Variants in DGKB observed in about 807,000 individuals in gnomAD.
DGKB encodes the protein diacylglycerol kinase beta.
A neutral mutation model predicts 114.3 loss-of-function variants in DGKB; 67 were observed. The ratio of observed to expected loss-of-function variants is 0.59; its 90% CI spans 0.48 to 0.72. The LOEUF is 0.72. DGKB is among the 30% of genes least tolerant of loss of function. The probability of loss-of-function intolerance (pLI) is 0.00; values close to 1 mark genes in which losing one functional copy is unlikely to be tolerated. For synonymous variants in DGKB, 398 were observed against 323.1 expected, an observed-to-expected ratio of 1.23 and a Z score of -2.49; for missense variants, 907 against 975.2, an observed-to-expected ratio of 0.93 and a Z score of 0.93.
chr7:14,577,579 T>A (rs1436831108), intron 19 of DGKB, among the ~76,000 whole-genome samples: 1 of 152,008 alleles, frequency 6.6e-6, no homozygotes, highest in African/African-American at 2.4e-5. Flanking sequence ...ATTGCGCCAC[T>A]GCACTCCAGC....
chr7:14,346,317 T>C (rs770066436), intron 21 of DGKB, among the ~76,000 whole-genome samples: 1 of 151,948 alleles, frequency 6.6e-6, no homozygotes, highest in Admixed American at 6.6e-5. Context: ...TTAAACCTAA[T>C]AGAGTGCTTA....
At chr7:14,153,224 A>G (rs962898729) in intron 25 of DGKB, among the ~76,000 whole-genome samples, 2 of 151,946 alleles carry the variant, frequency 1.3e-5, no homozygotes, top group African/African-American at 4.8e-5. Context: ...TTCCAGCATC[A>G]AATATTTCCA....
chr7:14,718,913 C>T (rs1480484882), intron 5 of DGKB: 3 of 416,736 alleles, frequency 7.2e-6, no homozygotes, highest in Non-Finnish European at 1.3e-5. Flanking sequence ...CCCTATCAGC[C>T]ACGGATGGTA....
intron 23 of DGKB, among the ~76,000 whole-genome samples, chr7:14,183,273 T>C (rs1261593981): frequency 6.6e-6 from 1 of 152,232 alleles, no homozygotes; most frequent in Admixed American, 6.5e-5. Flanking sequence ...CTTCAAAATG[T>C]CCATCTACTT....
At chr7:14,370,902 T>C (rs1188519454) in intron 21 of DGKB, among the ~76,000 whole-genome samples, 1 of 152,174 alleles carries the variant, frequency 6.6e-6, no homozygotes, top group Non-Finnish European at 1.5e-5. Flanking sequence ...TACTTATAAG[T>C]GAGAACATGT....
At chr7:14,368,275 C>T (rs890253050) in intron 21 of DGKB, among the ~76,000 whole-genome samples, 1 of 152,070 alleles carries the variant, frequency 6.6e-6, no homozygotes, top group African/African-American at 2.4e-5. Context: ...TGGTGTTATA[C>T]ATTCTGTGGG....
At chr7:14,658,329 A>C (rs908894865) in intron 13 of DGKB, among the ~76,000 whole-genome samples, 34 of 152,058 alleles carry the variant, frequency 2.2e-4, no homozygotes, top group Non-Finnish European at 4.3e-4. Flanking sequence ...AAAGATTAAT[A>C]TTACATGTTC....
chr7:14,184,655 T>G (rs1783133377), intron 23 of DGKB, among the ~76,000 whole-genome samples: 1 of 151,790 alleles, frequency 6.6e-6, no homozygotes, highest in Non-Finnish European at 1.5e-5. Context: ...AGCTCAGAAA[T>G]GCCTAACCCT....
At chr7:14,260,604 C>T (rs1796626418) in intron 23 of DGKB, among the ~76,000 whole-genome samples, 1 of 152,158 alleles carries the variant, frequency 6.6e-6, no homozygotes, top group African/African-American at 2.4e-5. Flanking sequence ...CTTTAGCTTT[C>T]ACTTCCTATT....
intron 16 of DGKB, among the ~76,000 whole-genome samples, chr7:14,607,985 C>A (rs1188253776): frequency 2.0e-5 from 3 of 151,908 alleles, no homozygotes; most frequent in Non-Finnish European, 4.4e-5. Context: ...TATATGTGTA[C>A]ATGTAAGCAA....
At chr7:14,449,895 G>A (rs1831232961) in intron 21 of DGKB, among the ~76,000 whole-genome samples, 2 of 151,990 alleles carry the variant, frequency 1.3e-5, no homozygotes, top group African/African-American at 2.4e-5. Context: ...AAACTCTCAC[G>A]GAGAATGTTG....
chr7:14,367,307 G>A (rs1214361816), intron 21 of DGKB, among the ~76,000 whole-genome samples: 1 of 152,064 alleles, frequency 6.6e-6, no homozygotes, highest in African/African-American at 2.4e-5. Context: ...CATGTGTGGT[G>A]AGAGGGATCC....
At chr7:14,962,642 G>T (rs1252088397) in intron 1 of DGKB, among the ~76,000 whole-genome samples, 1 of 140,574 alleles carries the variant, frequency 7.1e-6, no homozygotes, top group African/African-American at 3.2e-5. Context: ...GTGTTTGTGT[G>T]TGTGTGTGTG....
chr7:14,967,022 C>A (rs1787195745), intron 1 of DGKB, among the ~76,000 whole-genome samples: 1 of 151,966 alleles, frequency 6.6e-6, no homozygotes, highest in African/African-American at 2.4e-5. Flanking sequence ...TAATGCAAAC[C>A]TTTGCAATAA....
At chr7:14,227,882 T>G (rs1020460672) in intron 23 of DGKB, among the ~76,000 whole-genome samples, 4 of 152,082 alleles carry the variant, frequency 2.6e-5, no homozygotes, top group African/African-American at 9.7e-5. Flanking sequence ...TTCAGAATTC[T>G]GAATGACTAT....
At chr7:14,769,975 C>T (rs1258110882) in intron 2 of DGKB, among the ~76,000 whole-genome samples, 2 of 152,008 alleles carry the variant, frequency 1.3e-5, no homozygotes, top group Non-Finnish European at 2.9e-5. Context: ...TTACTTTTCC[C>T]AAATATAAAG....
intron 20 of DGKB, among the ~76,000 whole-genome samples, chr7:14,482,246 A>G (rs10266998): frequency 0.48 from 72,568 of 151,774 alleles, 17,664 homozygotes; most frequent in East Asian, 0.76. Flanking sequence ...ATAAATGTTA[A>G]CTATTACTAT....
intron 20 of DGKB, among the ~76,000 whole-genome samples, chr7:14,556,954 C>G (rs965585394): frequency 6.6e-6 from 1 of 152,276 alleles, no homozygotes; most frequent in South Asian, 2.1e-4. Flanking sequence ...TTTAGTAGTT[C>G]TCTTACTACC....
intron 13 of DGKB, among the ~76,000 whole-genome samples, chr7:14,660,881 A>T (rs201345721): frequency 6.6e-6 from 1 of 151,628 alleles, no homozygotes; most frequent in Non-Finnish European, 1.5e-5. Flanking sequence ...ACAGAACAGA[A>T]CCCTCAGAAA....
Sources: allele counts gnomAD v4.1 joint callset (sites outside exome capture counted in the v4.1 genomes callset), GRCh38; gene constraint gnomAD v4.1.1; transcripts MANE v1.5; gene names NCBI Gene and HGNC (gene_info 2026-07-23, HGNC 2026-07-21).